Variants in SDHC observed in about 807,000 individuals in gnomAD.
SDHC encodes the protein succinate dehydrogenase complex subunit C.
In SDHC, 11 loss-of-function variants were observed where a neutral mutation model predicts 22.6. The observed-to-expected ratio is 0.49, with a 90% confidence interval of 0.31 to 0.81. The LOEUF is 0.81. SDHC is among the 30% of genes least tolerant of loss of function. SDHC has a pLI of 0.05. For missense variants in SDHC, 160 were observed against 212.0 expected, an observed-to-expected ratio of 0.75 and a Z score of 1.52; for synonymous variants, 80 against 77.8, an observed-to-expected ratio of 1.03 and a Z score of -0.15.
intron 4 of SDHC, among the ~76,000 whole-genome samples, chr1:161,355,384 T>A (rs1416379020): frequency 2.6e-5 from 4 of 152,232 alleles, no homozygotes; most frequent in African/African-American, 9.6e-5. Context: ...AAATATTTTC[T>A]CCCATTCCTT....
chr1:161,362,315 T>C lies in SDHC; in HGVS notation c.406-14T>C, dbSNP rs1558185811. The stretch of plus-strand genomic sequence containing the variant: ...TACTGAAATTCCTTTTTTTTTTTTT[T>C]GCTTTGTCCACAGATGTGGGACCTA... On this transcript the variant is annotated splice_polypyrimidine_tract_variant and intron_variant, in intron 5 of 5. Coordinates refer to ENST00000367975, the MANE Select transcript of SDHC (RefSeq NM_003001.5). 1 of 1,604,044 alleles carries C rather than the reference T, an allele frequency of 6.2e-7. No individual in the cohort carries two copies.
At chr1:161,362,116 C>T (rs1432944157) in intron 5 of SDHC, among the ~76,000 whole-genome samples, 6 of 151,986 alleles carry the variant, frequency 3.9e-5, no homozygotes, top group African/African-American at 1.5e-4. Context: ...CACAATAGAA[C>T]CTGATTTTCT....
At chr1:161,334,119 T>C (rs1671383890) in intron 3 of SDHC, among the ~76,000 whole-genome samples, 1 of 152,252 alleles carries the variant, frequency 6.6e-6, no homozygotes, top group African/African-American at 2.4e-5. Flanking sequence ...GGCAGGGCTC[T>C]GTTTCCTTCT....
chr1:161,324,773 G>A (rs948557110), intron 2 of SDHC, among the ~76,000 whole-genome samples: 12 of 152,060 alleles, frequency 7.9e-5, no homozygotes, highest in Admixed American at 6.5e-4. Flanking sequence ...TAAGAACAAA[G>A]AAATTGTTTT....
In SDHC at chr1:161,362,607, G is replaced by A. The variant is rs886045479; in HGVS notation, c.*174G>A. 56 of 1,604,334 alleles carry A rather than the reference G, an allele frequency of 3.5e-5. No individual in the cohort carries two copies. The South Asian group carries it at 5.6e-4, about 16-fold the overall frequency. On this transcript the variant is annotated 3_prime_UTR_variant, in exon 6 of 6. Transcript: ENST00000367975. ...CTGGTAGACCATAATAGTGGAAAAG[G>A]GTCTAGTTTTCCCCTTGTTTCTAAA...
rs139587500 is a variant in SDHC, at chr1:161,347,275, G to T, written c.241+6620G>T. Among the ~76,000 whole-genome samples the T allele has an allele frequency of 1.6e-3, 240 of 152,018 alleles. 3 individuals are homozygous for T. In the East Asian group the frequency reaches 0.045, roughly 28 times the overall value. Reference sequence around the variant, plus strand: ...GTTTCTTTTTTTCCTTTTTTTTTGAGATGGAGTCTCGCTCTGTCGGCCAGG... The same window carrying T: ...GTTTCTTTTTTTCCTTTTTTTTTGATATGGAGTCTCGCTCTGTCGGCCAGG... On this transcript the variant is annotated intron_variant, in intron 4 of 5. Transcript: ENST00000367975.
chr1:161,317,012 G>T (rs79820859), intron 1 of SDHC, among the ~76,000 whole-genome samples: 17,135 of 148,504 alleles, frequency 0.12, 1,345 homozygotes, highest in African/African-American at 0.22. Context: ...CTTTTTTTTT[G>T]GTTCTTTTTC....
chr1:161,325,457 A>T (rs1438939842), intron 2 of SDHC, among the ~76,000 whole-genome samples: 1 of 151,984 alleles, frequency 6.6e-6, no homozygotes. Context: ...AGGTGGGCGG[A>T]TTGCTTGAGC....
At chr1:161,316,155 A>G (rs1346904292) in intron 1 of SDHC, among the ~76,000 whole-genome samples, 2 of 151,234 alleles carry the variant, frequency 1.3e-5, no homozygotes, top group African/African-American at 4.9e-5. Flanking sequence ...TGATCAGGAG[A>G]CAGATGCCTT....
chr1:161,337,183 A>T (rs1001067956), intron 3 of SDHC, among the ~76,000 whole-genome samples: 2 of 151,368 alleles, frequency 1.3e-5, no homozygotes, highest in East Asian at 1.9e-4. Context: ...GCCTGCCCAC[A>T]TCTTGATTTT....
chr1:161,328,266 A>G (rs1301279648), intron 2 of SDHC, 130 bp from the exon 3 acceptor site: 1 of 759,094 alleles, frequency 1.3e-6, no homozygotes, highest in African/African-American at 1.7e-5. Context: ...CCTCCCAAAG[A>G]GCTGAGATTA....
chr1:161,358,665 G>A (rs560122634), intron 5 of SDHC, among the ~76,000 whole-genome samples: 3 of 151,640 alleles, frequency 2.0e-5, no homozygotes, highest in Admixed American at 2.0e-4. Flanking sequence ...AGTGGTTCAC[G>A]CCTGTAATCT....
At chr1:161,327,196 C>T (rs976336543) in intron 2 of SDHC, among the ~76,000 whole-genome samples, 3 of 152,094 alleles carry the variant, frequency 2.0e-5, no homozygotes, top group African/African-American at 7.2e-5. Flanking sequence ...CCCAAAGTGC[C>T]GGGATTATAG....
At chr1:161,348,100 G>A (rs1164932299) in intron 4 of SDHC, among the ~76,000 whole-genome samples, 2 of 152,042 alleles carry the variant, frequency 1.3e-5, no homozygotes, top group Non-Finnish European at 2.9e-5. Context: ...TAAAAAGCAT[G>A]TTAACACTAG....
intron 2 of SDHC, among the ~76,000 whole-genome samples, chr1:161,326,092 C>T (rs1282888936): frequency 6.6e-6 from 1 of 151,978 alleles, no homozygotes; most frequent in Non-Finnish European, 1.5e-5. Flanking sequence ...GTCCCAGCTA[C>T]TCAGGAGGCT....
At chr1:161,327,309 A>G (rs907189627) in intron 2 of SDHC, among the ~76,000 whole-genome samples, 2 of 152,238 alleles carry the variant, frequency 1.3e-5, no homozygotes, top group African/African-American at 2.4e-5. Flanking sequence ...AGACAGCATG[A>G]CAGAATTTAT....
chr1:161,338,975 A>G lies in SDHC; in HGVS notation c.180-1619A>G, dbSNP rs970706684. Among the ~76,000 whole-genome samples the G allele has an allele frequency of 2.0e-5, 3 of 152,122 alleles. No homozygotes were observed. In the South Asian group the frequency reaches 6.2e-4, roughly 32 times the overall value. Reference sequence around the variant, plus strand: ...GTCATTCTCCTGCCTCAGCCTCCCAAGTAGCTGGGATTACAGGCATGCACC... The same window carrying G: ...GTCATTCTCCTGCCTCAGCCTCCCAGGTAGCTGGGATTACAGGCATGCACC... On this transcript the variant is annotated intron_variant, in intron 3 of 5. Coordinates refer to ENST00000367975, the MANE Select transcript of SDHC (RefSeq NM_003001.5).
intron 3 of SDHC, among the ~76,000 whole-genome samples, chr1:161,333,012 C>G (rs1671339335): frequency 6.6e-6 from 1 of 152,248 alleles, no homozygotes; most frequent in South Asian, 2.1e-4. Flanking sequence ...TCCCTCCCAG[C>G]TCTAGACAAT....
intron 1 of SDHC, among the ~76,000 whole-genome samples, chr1:161,316,953 A>T (rs1271573390): frequency 2.0e-5 from 3 of 151,854 alleles, no homozygotes; most frequent in African/African-American, 7.3e-5. Flanking sequence ...GGGCCCACTT[A>T]AGAGAAATAT....
Sources: gnomAD v4.1 joint callset for allele counts (sites outside exome capture counted in the v4.1 genomes callset) on GRCh38, gnomAD v4.1.1 for gene constraint, MANE v1.5 for transcripts, NCBI Gene and HGNC (gene_info 2026-07-23, HGNC 2026-07-21) for gene names.